UBE3C: variants seen among roughly 807,000 people sequenced by gnomAD.
UBE3C encodes ubiquitin-protein ligase E3C.
UBE3C carries 42 observed loss-of-function variants against 129.4 expected under a neutral mutation model. The observed-to-expected ratio is 0.32, with a 90% CI of 0.25 to 0.42. UBE3C has a LOEUF of 0.42. Ranked by LOEUF, UBE3C falls within the 10% of genes least tolerant of loss-of-function variation. The pLI is 1.00. For synonymous variants in UBE3C, 510 were observed against 492.4 expected (o/e 1.04, Z -0.47); for missense variants, 1,049 against 1,319.1 (o/e 0.80, Z 3.17).
chr7:157,252,756 A>G (rs1796649868), intron 19 of UBE3C, among the ~76,000 whole-genome samples: 1 of 152,238 alleles, frequency 6.6e-6, no homozygotes, highest in Non-Finnish European at 1.5e-5. Context: ...TACCAGGAAA[A>G]CTGAAGGCTG....
chr7:157,203,925 A>T (rs1390726114), intron 11 of UBE3C, among the ~76,000 whole-genome samples: 1 of 152,354 alleles, frequency 6.6e-6, no homozygotes, highest in African/African-American at 2.4e-5. Context: ...AGCCTAGCCT[A>T]CCTAAAACGT....
intron 11 of UBE3C, among the ~76,000 whole-genome samples, chr7:157,205,718 G>T (rs1008768570): frequency 2.6e-5 from 4 of 152,196 alleles, no homozygotes; most frequent in African/African-American, 9.7e-5. Flanking sequence ...GTTCAGCATA[G>T]TGCTAAATGC....
chr7:157,181,789 G>T, intron 7 of UBE3C, 118 bp downstream of exon 7: 1 of 1,335,290 alleles, frequency 7.5e-7, no homozygotes, highest in Non-Finnish European at 1.0e-6. Flanking sequence ...TACTTTATTA[G>T]TGTTGATTTA....
At chr7:157,217,620 A>C (rs557033960) in intron 14 of UBE3C, among the ~76,000 whole-genome samples, 7 of 152,016 alleles carry the variant, frequency 4.6e-5, no homozygotes, top group African/African-American at 1.7e-4. Context: ...AGATCACTTA[A>C]AGCCAGGAGT....
At chr7:157,185,405 C>A (rs1170405523) in intron 9 of UBE3C, among the ~76,000 whole-genome samples, 1 of 152,136 alleles carries the variant, frequency 6.6e-6, no homozygotes, top group Non-Finnish European at 1.5e-5. Context: ...GTTTCAAGGT[C>A]TGTGTATTAT....
chr7:157,210,040 C>T (rs941231639), intron 13 of UBE3C, among the ~76,000 whole-genome samples: 4 of 152,096 alleles, frequency 2.6e-5, no homozygotes, highest in Admixed American at 2.0e-4. Context: ...ATTAGCTGGG[C>T]GTGATGTACG....
At chr7:157,215,090 G>A (rs773802940) in intron 13 of UBE3C, among the ~76,000 whole-genome samples, 2 of 152,122 alleles carry the variant, frequency 1.3e-5, no homozygotes, top group Admixed American at 1.3e-4. Context: ...CAAGAGAATC[G>A]CCACTTCTAA....
At chr7:157,185,855 A>G (rs1346149082) in intron 9 of UBE3C, among the ~76,000 whole-genome samples, 1 of 152,162 alleles carries the variant, frequency 6.6e-6, no homozygotes, top group Non-Finnish European at 1.5e-5. Flanking sequence ...GCTTTTATCT[A>G]TAAAACAGTG....
At chr7:157,156,608 ATTCTTTAATCC>A (rs999165373) in intron 1 of UBE3C, among the ~76,000 whole-genome samples, 8 of 151,656 alleles carry the variant, frequency 5.3e-5, no homozygotes, top group African/African-American at 1.9e-4. Flanking sequence ...TCCGGCCCCA[ATTCTTTAATCC>A]TTACATTCAC....
At chr7:157,225,385 T>C (rs897798003) in intron 16 of UBE3C, 22 bp from the exon 17 acceptor site, 2 of 1,588,598 alleles carry the variant, frequency 1.3e-6, no homozygotes, top group African/African-American at 1.4e-5. Flanking sequence ...CTAATAACCT[T>C]ACAGCTTTCC....
At chr7:157,204,576 C>T (rs1305748931) in intron 11 of UBE3C, among the ~76,000 whole-genome samples, 1 of 151,940 alleles carries the variant, frequency 6.6e-6, no homozygotes. Context: ...AAACAATCTC[C>T]AGATGGATAG....
At chr7:157,219,637 C>G (rs924820522) in intron 14 of UBE3C, among the ~76,000 whole-genome samples, 2 of 152,184 alleles carry the variant, frequency 1.3e-5, no homozygotes, top group African/African-American at 4.8e-5. Flanking sequence ...CACGGAGGCT[C>G]ACATCTGTAA....
chr7:157,245,992 CAAAAAA>C (rs56270719), intron 18 of UBE3C, among the ~76,000 whole-genome samples: 11 of 85,612 alleles, frequency 1.3e-4, no homozygotes, highest in African/African-American at 4.8e-4. Flanking sequence ...GACTCCGTCT[CAAAAAA>C]AAAAAAAAAA....
chr7:157,246,918 T>G (rs1433474900), intron 18 of UBE3C, among the ~76,000 whole-genome samples: 1 of 152,206 alleles, frequency 6.6e-6, no homozygotes, highest in Non-Finnish European at 1.5e-5. Flanking sequence ...AGACGGAGTT[T>G]TTGCTCTTGT....
rs368200737 is a variant in UBE3C, at chr7:157,261,660, A to G, written c.3081+4616A>G. ...GAGAATGTCTTTCAGTTGAAGTACT[A>G]TAAATAGCAAAGGCAGGCAGGCATA... On this transcript the variant is annotated intron_variant, in intron 22 of 22. Coordinates refer to ENST00000348165, the MANE Select transcript of UBE3C (RefSeq NM_014671.3). Among the ~76,000 whole-genome samples, 79 of 152,366 alleles carry G rather than the reference A, an allele frequency of 5.2e-4. 1 individual carries two copies. The highest frequency in any genetic ancestry group is 1.9e-3 in the African/African-American group (77 of 41,590).
chr7:157,220,623 A>G lies in UBE3C; in HGVS notation c.1915-66A>G. 1.9e-6 allele frequency: 3 copies of G among 1,587,748 alleles called. No homozygotes were observed. Among genetic ancestry groups the G allele is most frequent in the Non-Finnish European group, 2.6e-6 (3 of 1,159,168 alleles). On this transcript the variant is annotated intron_variant, in intron 14 of 22. Transcript: ENST00000348165. ...AAATGTCCAGCACCAATTCTGTTCA[A>G]GTGTGATCAGGTCAAAGTGTGTGCT...
At chr7:157,195,483 C>T (rs1347308556) in intron 10 of UBE3C, among the ~76,000 whole-genome samples, 3 of 152,188 alleles carry the variant, frequency 2.0e-5, no homozygotes, top group Admixed American at 6.5e-5. Context: ...GGCCTTGAAA[C>T]TGAAAGGAGG....
In UBE3C at chr7:157,201,818, T is replaced by C. The variant is rs146407950; in HGVS notation, c.1418+11T>C. On this transcript the variant is annotated intron_variant, in intron 11 of 22. Transcript: ENST00000348165. ...ACGGATGATCACAGGGTATGTATTA[T>C]ACAGACTTATAAATTGAGCTCAAGG... 11,676 of 1,597,102 alleles carry C rather than the reference T, an allele frequency of 7.3e-3. 58 individuals are homozygous for C. The highest frequency in any genetic ancestry group is 9.0e-3 in the Non-Finnish European group (10,575 of 1,171,342).
Position 157,253,999 on chromosome 7 carries a change from G to C in UBE3C, c.2740G>C (p.Ala914Pro). ...FGGKDIPVTS[A>P]NRIAYIHLVA... ...TGGGAAAGACATCCCTGTCACCAGCGCCAACCGGATTGCGTACATCCACTT... is the reference window on the plus strand; with the variant it reads ...TGGGAAAGACATCCCTGTCACCAGCCCCAACCGGATTGCGTACATCCACTT... The change falls in exon 20 of 23, where the codon GCC (alanine) becomes CCC (proline). Residue 914 changes from alanine (A) to proline (P), a missense_variant. Around this residue, in one of 4 missense-constraint regions of UBE3C, gnomAD observed 243 missense variants for 368.7 expected, o/e 0.66. Coordinates refer to ENST00000348165, the MANE Select transcript of UBE3C (RefSeq NM_014671.3). 1 of 1,609,642 alleles carries C rather than the reference G, an allele frequency of 6.2e-7. No individual in the cohort carries two copies. The highest frequency in any genetic ancestry group is 8.5e-7 in the Non-Finnish European group (1 of 1,177,684).
Sources: gnomAD v4.1 joint callset for allele counts (sites outside exome capture counted in the v4.1 genomes callset) on GRCh38, gnomAD v4.1.1 for gene constraint, gnomAD v4.1.1 regional missense constraint, MANE v1.5 for transcripts, NCBI Gene and HGNC (gene_info 2026-07-23, HGNC 2026-07-21) for gene names.